The following AP1B1 variants were observed in gnomAD, a reference collection of about 807,000 sequenced individuals.
AP1B1 encodes the protein adaptor related protein complex 1 subunit beta 1.
Under a neutral mutation model 104.3 loss-of-function variants are expected in AP1B1, and 36 were observed. The ratio of observed to expected loss-of-function variants is 0.35; its 90% confidence interval spans 0.26 to 0.46. The LOEUF is 0.46. Ranked by LOEUF, AP1B1 falls within the 20% of genes least tolerant of loss-of-function variation. The pLI, the probability that AP1B1 is intolerant of heterozygous loss-of-function variation, is 1.00. For missense variants in AP1B1, 901 were observed against 1,247.9 expected (o/e 0.72, Z 4.19); for synonymous variants, 504 against 517.5 (o/e 0.97, Z 0.35).
At chr22:29,357,714 G>C (rs2061982603) in intron 5 of AP1B1, among the ~76,000 whole-genome samples, 1 of 139,538 alleles carries the variant, frequency 7.2e-6, no homozygotes, top group South Asian at 2.3e-4. Flanking sequence ...TTGAGACGGA[G>C]TCTAGCTCTG....
chr22:29,358,402 G>A (rs780764325), intron 5 of AP1B1, among the ~76,000 whole-genome samples: 3 of 152,168 alleles, frequency 2.0e-5, no homozygotes, highest in African/African-American at 4.8e-5. Flanking sequence ...ATGGTGCACC[G>A]TTACCAGGCC....
intron 1 of AP1B1, among the ~76,000 whole-genome samples, chr22:29,380,958 C>G (rs899676341): frequency 1.3e-5 from 2 of 152,326 alleles, no homozygotes; most frequent in East Asian, 3.9e-4. Context: ...CCCCTCCTCT[C>G]TCACGCATGC....
intron 3 of AP1B1, 67 bp downstream of exon 3, chr22:29,362,934 G>A: frequency 2.2e-6 from 2 of 928,486 alleles, no homozygotes; most frequent in South Asian, 1.3e-5. Flanking sequence ...AGACTGAAGT[G>A]GACCCAAGCT....
At chr22:29,334,007 G>A (rs1212368660) in intron 17 of AP1B1, among the ~76,000 whole-genome samples, 2 of 152,228 alleles carry the variant, frequency 1.3e-5, no homozygotes, top group African/African-American at 4.8e-5. Context: ...GGAGGCCGCA[G>A]TGAGCCGAGA....
At chr22:29,330,061 A>ACAGGGC in intron 21 of AP1B1, 1 of 1,410,108 alleles carries the variant, frequency 7.1e-7, no homozygotes, top group Non-Finnish European at 9.2e-7. Flanking sequence ...CACTCACAGG[A>ACAGGGC]CAGGGCCAGG....
intron 6 of AP1B1, 145 bp from the exon 7 acceptor site, chr22:29,355,016 A>T (rs1382154261): frequency 7.5e-6 from 5 of 665,122 alleles, no homozygotes; most frequent in Non-Finnish European, 1.3e-5. Flanking sequence ...TGGGTGGATC[A>T]CTTGAGGTCA....
rs1244422186 is a variant in AP1B1 at position 29,342,437 on chromosome 22, G to A, written c.1438-54C>T. ...AGTGTGGGCCTCACATGGGGATAGA[G>A]GGAGAACAAAAAGGCTTGAAGAGGA... On this transcript the variant is annotated intron_variant, in intron 11 of 22. Coordinates refer to ENST00000357586, the MANE Select transcript of AP1B1 (RefSeq NM_001127.4). 9 of 1,462,736 alleles carry A rather than the reference G, an allele frequency of 6.2e-6. No homozygotes were observed. In the East Asian group the frequency reaches 2.1e-4, roughly 34 times the overall value. The allele number at this position is 1,462,736 out of a possible 1,614,324, so 90.6% of individuals were successfully genotyped here. A position where few individuals can be genotyped will look rare whatever the true frequency, so the allele number is the denominator to read the frequency against.
chr22:29,356,539 T>C lies in AP1B1; in HGVS notation c.603A>G (p.Pro201=). 1 of 1,614,132 alleles carries C rather than the reference T, an allele frequency of 6.2e-7. No homozygotes were observed. The highest frequency in any genetic ancestry group is 8.5e-7 in the Non-Finnish European group (1 of 1,180,008). Residue 201 remains proline (P), a synonymous_variant, in exon 6 of 23, where the codon CCA becomes CCG. Transcript: ENST00000357586. ...CTGTCAGCAGCTTGTTGATGGACTG[T>C]GGGTTCAGATCGAGCAGGTTGCTGC... ...HPSSNLLDLN[P]QSINKLLTAL... is the part of the protein sequence containing the mutation.
chr22:29,387,758 AGGGTCCTCATCGATAAAATAGG>A (rs1278006844), intron 1 of AP1B1, among the ~76,000 whole-genome samples: 1 of 152,218 alleles, frequency 6.6e-6, no homozygotes, highest in African/African-American at 2.4e-5. Context: ...TCTGTGCCTC[AGGGTCCTCATCGATAAAATAGG>A]GATATTTAAT....
At chr22:29,341,809 A>G in intron 12 of AP1B1, 49 bp from the exon 13 acceptor site, 1 of 1,562,858 alleles carries the variant, frequency 6.4e-7, no homozygotes. Flanking sequence ...GCCAGGTGAG[A>G]AGGGAGGAGA....
chr22:29,345,143 C>T (rs2061772262), intron 11 of AP1B1, among the ~76,000 whole-genome samples: 1 of 151,890 alleles, frequency 6.6e-6, no homozygotes, highest in African/African-American at 2.4e-5. Flanking sequence ...ACTGCAGCCT[C>T]AACTTCCCAG....
chr22:29,355,903 A>G (rs1431969350), intron 6 of AP1B1, among the ~76,000 whole-genome samples: 1 of 151,408 alleles, frequency 6.6e-6, no homozygotes, highest in Non-Finnish European at 1.5e-5. Flanking sequence ...CATGTAGTAC[A>G]TACTGTATAG....
Position 29,350,025 on chromosome 22 carries a change from G to A in AP1B1, c.1271+10C>T, listed in dbSNP as rs141658009. On this transcript the variant is annotated intron_variant, in intron 10 of 22. Transcript: ENST00000357586. Reference sequence around the variant, plus strand: ...CTAGATGCCCTCTCCCTAGGAGGGCGGGCACGCACTTGTTGGGGTACTTGC... The same window carrying A: ...CTAGATGCCCTCTCCCTAGGAGGGCAGGCACGCACTTGTTGGGGTACTTGC... 57 of 1,609,804 alleles carry A rather than the reference G, an allele frequency of 3.5e-5. 2 individuals are homozygous for A. In the African/African-American group the frequency reaches 5.3e-4, roughly 15 times the overall value.
At chr22:29,368,068 C>T (rs539901226) in intron 1 of AP1B1, among the ~76,000 whole-genome samples, 4 of 152,184 alleles carry the variant, frequency 2.6e-5, no homozygotes, top group Middle Eastern at 3.4e-3. Flanking sequence ...GAGGCTGAGG[C>T]GGGTGGATCA....
chr22:29,381,945 A>G (rs1328664735), intron 1 of AP1B1, among the ~76,000 whole-genome samples: 1 of 151,624 alleles, frequency 6.6e-6, no homozygotes, highest in African/African-American at 2.4e-5. Context: ...TTTATCCTTC[A>G]AATCTCAGCT....
At chr22:29,358,215 T>C (rs1390242046) in intron 5 of AP1B1, among the ~76,000 whole-genome samples, 1 of 152,176 alleles carries the variant, frequency 6.6e-6, no homozygotes, top group African/African-American at 2.4e-5. Flanking sequence ...ACTGTGGGGT[T>C]CCACATCCAG....
intron 2 of AP1B1, among the ~76,000 whole-genome samples, chr22:29,366,928 G>GA (rs2062151857): frequency 6.7e-6 from 1 of 150,032 alleles, no homozygotes; most frequent in Non-Finnish European, 1.5e-5. Context: ...CTTTCCCCTG[G>GA]AAAAAAACAT....
At chr22:29,334,013 C>T (rs5763144) in intron 17 of AP1B1, among the ~76,000 whole-genome samples, 52,509 of 152,084 alleles carry the variant, frequency 0.35, 9,426 homozygotes, top group East Asian at 0.65. Context: ...CGCAGTGAGC[C>T]GAGATGGCGC....
At chr22:29,368,184 G>A (rs1247509343) in intron 1 of AP1B1, among the ~76,000 whole-genome samples, 1 of 152,150 alleles carries the variant, frequency 6.6e-6, no homozygotes, top group East Asian at 1.9e-4. Flanking sequence ...TGTAATCTCA[G>A]TTACTTGGGA....
Sources: allele counts gnomAD v4.1 joint callset (sites outside exome capture counted in the v4.1 genomes callset), GRCh38; gene constraint gnomAD v4.1.1; transcripts MANE v1.5; gene names NCBI Gene and HGNC (gene_info 2026-07-23, HGNC 2026-07-21).